The following EXTL3 variants were observed in gnomAD, a reference collection of about 807,000 sequenced individuals.
The protein encoded by EXTL3 is exostosin like glycosyltransferase 3, also known as exostosin-like 3.
EXTL3 carries 27 observed loss-of-function variants against 69.3 expected under a neutral mutation model. The observed-to-expected ratio is 0.39, with a 90% CI of 0.29 to 0.54. The LOEUF is 0.54. EXTL3 is among the 20% of genes least tolerant of loss of function. The pLI, the probability that EXTL3 is intolerant of heterozygous loss-of-function variation, is 0.69. For synonymous variants in EXTL3, 511 were observed against 499.4 expected, an observed-to-expected ratio of 1.02 and a Z score of -0.31; for missense variants, 1,003 against 1,231.8, an observed-to-expected ratio of 0.81 and a Z score of 2.78.
At chr8:28,658,344 C>T (rs1194281870) in intron 1 of EXTL3, among the ~76,000 whole-genome samples, 1 of 152,096 alleles carries the variant, frequency 6.6e-6, no homozygotes, top group Non-Finnish European at 1.5e-5. Flanking sequence ...CCTGCTCAGC[C>T]CCATCCACCC....
chr8:28,730,992 A>C (rs537890830), intron 3 of EXTL3, among the ~76,000 whole-genome samples: 29 of 152,340 alleles, frequency 1.9e-4, no homozygotes, highest in Non-Finnish European at 3.4e-4. Context: ...CTTGATTCAC[A>C]AGAAAATTAG....
intron 1 of EXTL3, among the ~76,000 whole-genome samples, chr8:28,643,982 C>T (rs1197156026): frequency 6.6e-6 from 1 of 152,112 alleles, no homozygotes; most frequent in Admixed American, 6.5e-5. Context: ...CCAGGCTGGT[C>T]TCAAACTCCT....
chr8:28,668,881 T>TTTTTTTTTTTTG (rs1382395399), intron 1 of EXTL3, among the ~76,000 whole-genome samples: 1 of 147,872 alleles, frequency 6.8e-6, no homozygotes, highest in Non-Finnish European at 1.5e-5. Context: ...TTTTTTTTTT[T>TTTTTTTTTTTTG]GAGACAGAGT....
At chr8:28,673,732 A>C (rs1219443968) in intron 1 of EXTL3, among the ~76,000 whole-genome samples, 2 of 152,160 alleles carry the variant, frequency 1.3e-5, no homozygotes, top group Non-Finnish European at 2.9e-5. Context: ...CAGGACCAGA[A>C]GGAGATATCT....
intron 2 of EXTL3, among the ~76,000 whole-genome samples, chr8:28,615,609 C>G (rs1344773465): frequency 6.6e-6 from 1 of 152,064 alleles, no homozygotes; most frequent in Non-Finnish European, 1.5e-5. Context: ...GCTCTGTCAC[C>G]CAGGCTGGAG....
chr8:28,673,529 C>G (rs183648066), intron 1 of EXTL3, among the ~76,000 whole-genome samples: 25 of 152,254 alleles, frequency 1.6e-4, no homozygotes, highest in African/African-American at 6.0e-4. Context: ...CCCTGGTTCT[C>G]AGGACTTTGG....
chr8:28,751,088 G>A lies in EXTL3; in HGVS notation c.*222G>A. The A allele has an allele frequency of 1.7e-6, 1 of 575,052 alleles. No individual in the cohort carries two copies. Among genetic ancestry groups the A allele is most frequent in the Non-Finnish European group, 3.1e-6 (1 of 320,626 alleles). 35.6% of individuals were successfully genotyped at this position (575,052 alleles called of 1,614,324 possible). On this transcript the variant is annotated 3_prime_UTR_variant, in exon 7 of 7. Transcript: ENST00000220562. ...GAGTCCCCGGGGTTCCCCACACAGG[G>A]CACTGACTGATAGCTTACACTGAGG...
At position 28,623,048 on chromosome 8, in the gene EXTL3, C is replaced by A. The variant is rs1243814249; in HGVS notation, c.-53+238C>A. Among the ~76,000 whole-genome samples the A allele has an allele frequency of 6.6e-6, 1 of 152,082 alleles. No homozygotes were observed. The highest frequency in any genetic ancestry group is 2.4e-5 in the African/African-American group (1 of 41,416). On this transcript the variant is annotated intron_variant, in intron 1 of 6. Transcript: ENST00000523149. The surrounding 1 kb of genome is among the most constrained non-coding windows in gnomAD (Gnocchi z 4.2). ...GGGCGGGCGATTGCAAGCTCGCGGT[C>A]CATGTCCCCTGCCTCGGAGTGTGGA...
At chr8:28,627,363 G>T (rs775040477) in intron 1 of EXTL3, among the ~76,000 whole-genome samples, 1 of 151,852 alleles carries the variant, frequency 6.6e-6, no homozygotes, top group Non-Finnish European at 1.5e-5. Flanking sequence ...GGTTGTGCGT[G>T]CATCTGTTGC....
At chr8:28,609,832 G>T (rs1806248470) in intron 2 of EXTL3, among the ~76,000 whole-genome samples, 2 of 151,390 alleles carry the variant, frequency 1.3e-5, no homozygotes, top group Non-Finnish European at 2.9e-5. Flanking sequence ...TGAGGCTGCA[G>T]TGAGCCATGA....
rs1801995234 is a variant in EXTL3, at chr8:28,751,154, C to T, written c.*288C>T. The T allele has an allele frequency of 4.3e-6, 2 of 460,290 alleles. No individual in the cohort carries two copies. Among genetic ancestry groups the T allele is most frequent in the Non-Finnish European group, 7.9e-6 (2 of 252,592 alleles). The allele number at this position is 460,290 out of a possible 1,614,324, so 28.5% of individuals were successfully genotyped here. On this transcript the variant is annotated 3_prime_UTR_variant, in exon 7 of 7. Transcript: ENST00000220562. Reference sequence around the variant, plus strand: ...CAGAGTCACTCACACCGTTCGTACGCCCAGGACAGCTGGTTCGTGGTTTTT... The same window carrying T: ...CAGAGTCACTCACACCGTTCGTACGTCCAGGACAGCTGGTTCGTGGTTTTT...
chr8:28,729,575 G>T lies in EXTL3; in HGVS notation c.2149-1648G>T, dbSNP rs974842154. On this transcript the variant is annotated intron_variant, in intron 3 of 6. Transcript: ENST00000220562. ...TGCGCGACTGCACTCCAGCCTGGGT[G>T]ACAGAGTGAGACTCCATCTCAAAAA... 4.3e-5 allele frequency among the ~76,000 whole-genome samples: 5 copies of T among 116,602 alleles called. No homozygotes were observed. The Admixed American group carries it at 5.0e-4, about 12-fold the overall frequency. The allele number at this position is 116,602 out of a possible 152,430, so 76.5% of individuals were successfully genotyped here.
In EXTL3 at chr8:28,704,705, T is replaced by C. The variant is rs7826484; in HGVS notation, c.-570+3046T>C. 6.6e-3 allele frequency among the ~76,000 whole-genome samples: 1,004 copies of C among 152,318 alleles called. 18 individuals are homozygous for C. Among genetic ancestry groups the C allele is most frequent in the African/African-American group, 0.023 (957 of 41,572 alleles). ...TTCTATTGAGACGGCGTCTCGCTCT[T>C]TTCGCCCAGGCTAGAGTGCAATGGC... is the stretch of plus-strand genomic sequence containing the variant. On this transcript the variant is annotated intron_variant, in intron 1 of 6. Coordinates refer to ENST00000220562, the MANE Select transcript of EXTL3 (RefSeq NM_001440.4).
chr8:28,718,104 G>A lies in EXTL3; in HGVS notation c.2045G>A (p.Arg682Lys). Reference protein sequence around the residue: ...REEVLMNSLERLNGLPYLNKV... With the variant: ...REEVLMNSLEKLNGLPYLNKV... ...GAAGTGCTTATGAACTCTTTAGAGA[G>A]GCTGAATGGCCTCCCTTACCTGAAC... is the stretch of plus-strand genomic sequence containing the variant. The change falls in exon 3 of 7, where the codon AGG becomes AAG. Residue 682 changes from arginine (R) to lysine (K), a missense_variant. By Grantham distance (26) the Arg-to-Lys change is conservative. Around this residue, in one of 2 missense-constraint regions of EXTL3, gnomAD observed 261 missense variants for 416.4 expected, o/e 0.63. Transcript: ENST00000220562. 6.2e-7 allele frequency: 1 copy of A among 1,614,158 alleles called. No homozygotes were observed. The highest frequency in any genetic ancestry group is 1.1e-5 in the South Asian group (1 of 91,064).
At chr8:28,734,603 T>C (rs559576317) in intron 4 of EXTL3, among the ~76,000 whole-genome samples, 1 of 152,258 alleles carries the variant, frequency 6.6e-6, no homozygotes, top group Non-Finnish European at 1.5e-5. Context: ...TCCCAGCTAC[T>C]CAGGAGGCTG....
upstream of EXTL3, among the ~76,000 whole-genome samples, chr8:28,619,312 A>AAAAAAAAAC (rs1563426171): frequency 5.9e-5 from 7 of 118,250 alleles, no homozygotes; most frequent in African/African-American, 1.7e-4. Context: ...AAAAAAAAAA[A>AAAAAAAAAC]AAACCCTGTG....
rs756826180 is a variant in EXTL3, at chr8:28,729,841, C to CT, written c.2149-1367dup. Among the ~76,000 whole-genome samples the CT allele has an allele frequency of 7.6e-3, 991 of 129,960 alleles. 8 individuals are homozygous for CT. The highest frequency in any genetic ancestry group is 0.023 in the African/African-American group (807 of 35,160). The allele number at this position is 129,960 out of a possible 152,430, so 85.3% of individuals were successfully genotyped here. A position where few individuals can be genotyped will look rare whatever the true frequency, so the allele number is the denominator to read the frequency against. ...ATAGTGATGAGACTTCGAGAACTCGCTTTTTTTTTTTTTTTAAAGTTATGA... is the reference window on the plus strand; with the variant it reads ...ATAGTGATGAGACTTCGAGAACTCGCTTTTTTTTTTTTTTTTAAAGTTATGA... On this transcript the variant is annotated intron_variant, in intron 3 of 6. Coordinates refer to ENST00000220562, the MANE Select transcript of EXTL3 (RefSeq NM_001440.4).
intron 1 of EXTL3, among the ~76,000 whole-genome samples, chr8:28,622,973 C>G (rs1383931567): frequency 6.6e-6 from 1 of 152,054 alleles, no homozygotes; most frequent in African/African-American, 2.4e-5. Flanking sequence ...TTGTCTGGCC[C>G]CGTCGTCCTG....
intron 1 of EXTL3, among the ~76,000 whole-genome samples, chr8:28,665,355 G>A (rs1005329229): frequency 6.6e-6 from 1 of 150,914 alleles, no homozygotes; most frequent in Non-Finnish European, 1.5e-5. Flanking sequence ...GGTTATAGGC[G>A]TGAGCCACCA....
Sources: allele counts gnomAD v4.1 joint callset (sites outside exome capture counted in the v4.1 genomes callset), GRCh38; gene constraint gnomAD v4.1.1; regional missense constraint gnomAD v4.1.1; non-coding constraint Gnocchi (gnomAD v3.1); transcripts MANE v1.5; gene names NCBI Gene and HGNC (gene_info 2026-07-23, HGNC 2026-07-21).